CACHD1: variants seen among roughly 807,000 people sequenced by gnomAD.
CACHD1 encodes VWFA and cache domain-containing protein 1.
In CACHD1, 71 loss-of-function variants were observed where a neutral mutation model predicts 138.7. That is an observed-to-expected ratio of 0.51 (90% CI 0.42 to 0.62). The LOEUF is 0.62. CACHD1 is among the 20% of genes least tolerant of loss of function. The pLI is 0.00. For missense variants in CACHD1, 1,389 were observed against 1,625.3 expected (o/e 0.85, Z 2.50); for synonymous variants, 578 against 591.5 (o/e 0.98, Z 0.33).
chr1:64,540,851 C>A (rs1248652024), intron 1 of CACHD1, among the ~76,000 whole-genome samples: 1 of 152,196 alleles, frequency 6.6e-6, no homozygotes, highest in Non-Finnish European at 1.5e-5. Context: ...CAAATTGTGA[C>A]TCTCCCACAT....
chr1:64,675,765 C>T, intron 20 of CACHD1, 132 bp from the exon 21 acceptor site: 1 of 709,468 alleles, frequency 1.4e-6, no homozygotes, highest in Middle Eastern at 2.7e-4. Flanking sequence ...TGTATTTAAC[C>T]TTTGGCTGTA....
chr1:64,682,641 G>A (rs1570481462), intron 26 of CACHD1, among the ~76,000 whole-genome samples: 2 of 152,348 alleles, frequency 1.3e-5, no homozygotes, highest in East Asian at 1.9e-4. Context: ...ACAAAGTCAT[G>A]GAGTTGTGTA....
At chr1:64,530,261 A>G (rs1476338416) in intron 1 of CACHD1, among the ~76,000 whole-genome samples, 2 of 152,170 alleles carry the variant, frequency 1.3e-5, no homozygotes, top group Non-Finnish European at 2.9e-5. Context: ...CCCAACCTCA[A>G]CAATAGAGGT....
intron 2 of CACHD1, chr1:64,579,919 TAAAAAAA>T (rs5774708): frequency 6.7e-6 from 1 of 148,736 alleles, no homozygotes; most frequent in Non-Finnish European, 1.5e-5. Flanking sequence ...AGCCAGATGT[TAAAAAAA>T]AAAAACAGCA....
intron 9 of CACHD1, among the ~76,000 whole-genome samples, chr1:64,650,456 A>G (rs1252785363): frequency 6.6e-6 from 1 of 152,208 alleles, no homozygotes; most frequent in Non-Finnish European, 1.5e-5. Flanking sequence ...ATGCATTTCT[A>G]AAACCTCCTT....
intron 4 of CACHD1, among the ~76,000 whole-genome samples, chr1:64,616,906 C>T (rs1647728167): frequency 6.6e-6 from 1 of 151,918 alleles, no homozygotes; most frequent in South Asian, 2.1e-4. Context: ...GTGTAGACCA[C>T]CCTTCTTAGT....
At chr1:64,575,701 C>T (rs936014412) in intron 2 of CACHD1, among the ~76,000 whole-genome samples, 11 of 152,128 alleles carry the variant, frequency 7.2e-5, no homozygotes, top group African/African-American at 1.4e-4. Context: ...TTCATTGTTA[C>T]GTATTTTAAA....
At chr1:64,483,662 G>A (rs1032207360) in intron 1 of CACHD1, among the ~76,000 whole-genome samples, 2 of 142,610 alleles carry the variant, frequency 1.4e-5, no homozygotes. Flanking sequence ...TAGGCAACAT[G>A]GTGAGACCCT....
rs1188400864 is a variant in CACHD1, at chr1:64,641,979, G to A, written c.1156+10G>A. 4 of 1,542,486 alleles carry A rather than the reference G, an allele frequency of 2.6e-6. No individual in the cohort carries two copies. Among genetic ancestry groups the A allele is most frequent in the South Asian group, 1.3e-5 (1 of 78,458 alleles). ...TATGCCCTCATGAACGGTAGGTAGA[G>A]TTTCAAGATATTCCTTTCAGATCAA... On this transcript the variant is annotated intron_variant, in intron 8 of 26. Transcript: ENST00000651257.
intron 13 of CACHD1, among the ~76,000 whole-genome samples, chr1:64,661,527 T>C (rs1649440218): frequency 6.6e-6 from 1 of 152,214 alleles, no homozygotes; most frequent in Admixed American, 6.5e-5. Context: ...CTCTTCTGTC[T>C]CTGAAGTGGG....
intron 1 of CACHD1, among the ~76,000 whole-genome samples, chr1:64,485,525 T>G (rs529952132): frequency 5.9e-5 from 9 of 152,316 alleles, no homozygotes; most frequent in African/African-American, 2.2e-4. Flanking sequence ...TGTACAGATA[T>G]GCCACAGTTT....
intron 25 of CACHD1, 114 bp from the exon 26 acceptor site, chr1:64,681,891 G>C (rs1650203318): frequency 3.4e-6 from 3 of 883,872 alleles, no homozygotes; most frequent in Non-Finnish European, 5.4e-6. Context: ...ATTTATTCTG[G>C]CTTTCCAAAG....
chr1:64,530,661 A>T (rs1646575526), intron 1 of CACHD1, among the ~76,000 whole-genome samples: 1 of 152,100 alleles, frequency 6.6e-6, no homozygotes, highest in African/African-American at 2.4e-5. Context: ...ACCTGAGGTC[A>T]GGAGTTCAAG....
intron 19 of CACHD1, among the ~76,000 whole-genome samples, chr1:64,674,159 TA>T (rs1320965731): frequency 6.6e-6 from 1 of 152,194 alleles, no homozygotes; most frequent in African/African-American, 2.4e-5. Flanking sequence ...TGGGTTAAAT[TA>T]AAAATCCTAA....
chr1:64,510,919 C>A (rs1228825392), intron 1 of CACHD1, among the ~76,000 whole-genome samples: 1 of 152,134 alleles, frequency 6.6e-6, no homozygotes, highest in South Asian at 2.1e-4. Flanking sequence ...AGGGGAATAT[C>A]TATGGGATTA....
intron 15 of CACHD1, among the ~76,000 whole-genome samples, chr1:64,665,077 T>C (rs1201656614): frequency 1.3e-5 from 2 of 152,202 alleles, no homozygotes; most frequent in African/African-American, 2.4e-5. Context: ...CTTTTACTTC[T>C]AGGCTTTTTT....
chr1:64,532,320 A>T (rs1417282007), intron 1 of CACHD1, among the ~76,000 whole-genome samples: 1 of 152,174 alleles, frequency 6.6e-6, no homozygotes, highest in East Asian at 1.9e-4. Flanking sequence ...GGCACTGAGG[A>T]CACTGGGAAC....
At chr1:64,576,800 G>A (rs1386328091) in intron 2 of CACHD1, among the ~76,000 whole-genome samples, 6 of 152,034 alleles carry the variant, frequency 3.9e-5, no homozygotes, top group African/African-American at 1.4e-4. Context: ...TTGCCAGGTG[G>A]CAAACCAACA....
intron 1 of CACHD1, among the ~76,000 whole-genome samples, chr1:64,481,276 G>A (rs746501879): frequency 2.6e-5 from 4 of 151,962 alleles, no homozygotes; most frequent in Non-Finnish European, 4.4e-5. Flanking sequence ...AGCCCAAGAC[G>A]GCAGCATTTT....
Sources: gnomAD v4.1 joint callset for allele counts (sites outside exome capture counted in the v4.1 genomes callset) on GRCh38, gnomAD v4.1.1 for gene constraint, MANE v1.5 for transcripts, NCBI Gene and HGNC (gene_info 2026-07-23, HGNC 2026-07-21) for gene names.